Variants in BUB1B observed in about 807,000 individuals in gnomAD.
BUB1B encodes the protein BUB1 mitotic checkpoint serine/threonine kinase B.
In BUB1B, 86 loss-of-function variants were observed where a neutral mutation model predicts 137.7. The ratio of observed to expected loss-of-function variants is 0.62; its 90% CI spans 0.52 to 0.75. The LOEUF (loss-of-function observed/expected upper bound fraction) is 0.75, where lower values mean the gene tolerates loss of function less well. BUB1B is among the 30% of genes least tolerant of loss of function. BUB1B has a pLI of 0.00. For synonymous variants in BUB1B, 420 were observed against 417.9 expected, an observed-to-expected ratio of 1.00 and a Z score of -0.06; for missense variants, 1,130 against 1,236.9, an observed-to-expected ratio of 0.91 and a Z score of 1.30.
At chr15:40,170,226 T>C in intron 3 of BUB1B, 105 bp downstream of exon 3, 2 of 1,086,412 alleles carry the variant, frequency 1.8e-6, no homozygotes, top group Non-Finnish European at 2.8e-6. Flanking sequence ...GAGTAGACAG[T>C]GGTGTCCTGG....
At chr15:40,179,588 T>G (rs987137777) in intron 5 of BUB1B, among the ~76,000 whole-genome samples, 30 of 152,288 alleles carry the variant, frequency 2.0e-4, no homozygotes, top group Admixed American at 3.9e-4. Context: ...TCTTTTTTGT[T>G]ATGTTGAGAC....
rs373264516 is a variant in BUB1B at position 40,165,039 on chromosome 15, T to TG, written c.36-14_36-13insG. ...ATGTTGGTATGAGATTTACATTTGT[T>TG]TCCTTCTTCACAGTGAAGCCATGTC... On this transcript the variant is annotated splice_polypyrimidine_tract_variant and intron_variant, in intron 1 of 22. Transcript: ENST00000287598. 6.3e-5 allele frequency: 101 copies of TG among 1,614,086 alleles called. No homozygotes were observed. In the African/African-American group the frequency reaches 1.2e-3, roughly 20 times the overall value.
intron 20 of BUB1B, among the ~76,000 whole-genome samples, chr15:40,217,242 T>C (rs2140911070): frequency 6.6e-6 from 1 of 152,354 alleles, no homozygotes; most frequent in East Asian, 1.9e-4. Context: ...ATATGGAAGC[T>C]TGATAAATGT....
chr15:40,203,566 G>C (rs1445751371), intron 14 of BUB1B, among the ~76,000 whole-genome samples: 1 of 152,080 alleles, frequency 6.6e-6, no homozygotes, highest in Admixed American at 6.5e-5. Flanking sequence ...TTTATAAGTA[G>C]GGAAAAATCA....
At chr15:40,218,400 C>A in intron 21 of BUB1B, 56 bp from the exon 22 acceptor site, 2 of 1,302,224 alleles carry the variant, frequency 1.5e-6, no homozygotes, top group Non-Finnish European at 1.1e-6. Flanking sequence ...CCGAAATAAG[C>A]TGCCATGGTA....
In BUB1B at chr15:40,208,756, C is replaced by A. The variant is rs2037670153; in HGVS notation, c.2129C>A (p.Thr710Asn). 6.2e-7 allele frequency: 1 copy of A among 1,612,654 alleles called. No individual in the cohort carries two copies. The highest frequency in any genetic ancestry group is 1.1e-5 in the South Asian group (1 of 91,050). ...CAAATTCCTGAGAAACTAGAACTTA[C>A]TAATGAGACTTCAGGTAGGATATAC... is the stretch of plus-strand genomic sequence containing the variant. Reference protein sequence around the residue: ...CLQIPEKLELTNETSENPTQS... With the variant: ...CLQIPEKLELNNETSENPTQS... The change falls in exon 16 of 23, where the codon ACT (threonine) becomes AAT (asparagine). Residue 710 changes from threonine to asparagine, a missense_variant. Transcript: ENST00000287598.
At chr15:40,169,737 C>T (rs750569916) in intron 2 of BUB1B, among the ~76,000 whole-genome samples, 38 of 151,630 alleles carry the variant, frequency 2.5e-4, no homozygotes, top group Non-Finnish European at 4.4e-4. Context: ...CTCAGCCTCC[C>T]GAGTAGCTGG....
intron 18 of BUB1B, among the ~76,000 whole-genome samples, chr15:40,210,653 G>A (rs967851314): frequency 1.3e-5 from 2 of 152,052 alleles, no homozygotes; most frequent in African/African-American, 4.8e-5. Context: ...GGGACCGTAG[G>A]TGCACGCCAC....
intron 20 of BUB1B, 73 bp from the exon 21 acceptor site, chr15:40,217,423 T>C (rs542861827): frequency 6.6e-7 from 1 of 1,523,958 alleles, no homozygotes; most frequent in South Asian, 1.1e-5. Flanking sequence ...GTACCTTTTT[T>C]TTTTAAAGAC....
intron 15 of BUB1B, among the ~76,000 whole-genome samples, chr15:40,208,421 C>T (rs897859632): frequency 2.6e-5 from 4 of 151,758 alleles, no homozygotes; most frequent in Non-Finnish European, 5.9e-5. Context: ...GCCTGTAATC[C>T]CAGCTACTCA....
At position 40,208,622 on chromosome 15, in the gene BUB1B, T is replaced by A; in HGVS notation, c.2010-15T>A. ...ATTATTCCTATAAGAATTAACTTATTTTTGATTCTTTTAGCCCAATTATTG... is the reference window on the plus strand; with the variant it reads ...ATTATTCCTATAAGAATTAACTTATATTTGATTCTTTTAGCCCAATTATTG... On this transcript the variant is annotated splice_polypyrimidine_tract_variant and intron_variant, in intron 15 of 22. Transcript: ENST00000287598. 1.9e-6 allele frequency: 3 copies of A among 1,605,298 alleles called. No homozygotes were observed. Among genetic ancestry groups the A allele is most frequent in the Non-Finnish European group, 2.6e-6 (3 of 1,172,386 alleles).
Position 40,180,270 on chromosome 15 carries a change from T to TTTTTTTC in BUB1B, c.582-3443_582-3442insTTTTTCT, listed in dbSNP as rs1426083959. On this transcript the variant is annotated intron_variant, in intron 5 of 22. Transcript: ENST00000287598. ...TCGTTTCTTTTTTTTTTTTTTTTTTTTGAGATGGAGTCTTGCTCTGTCACC... is the reference window on the plus strand; with the variant it reads ...TCGTTTCTTTTTTTTTTTTTTTTTTTTTTTTTCTGAGATGGAGTCTTGCTCTGTCACC... Among the ~76,000 whole-genome samples the TTTTTTTC allele has an allele frequency of 3.7e-4, 53 of 144,188 alleles. 1 individual carries two copies. The highest frequency in any genetic ancestry group is 1.3e-3 in the African/African-American group (52 of 39,172). The allele number at this position is 144,188 out of a possible 152,430, so 94.6% of individuals were successfully genotyped here. A position where few individuals can be genotyped will look rare whatever the true frequency, so the allele number is the denominator to read the frequency against.
chr15:40,183,610 C>T, intron 5 of BUB1B, 104 bp from the exon 6 acceptor site: 9 of 995,728 alleles, frequency 9.0e-6, no homozygotes, highest in Non-Finnish European at 1.4e-5. Flanking sequence ...CTGCATTCTT[C>T]CCCCAGCCTG....
chr15:40,190,696 G>T (rs1409109380), intron 8 of BUB1B, among the ~76,000 whole-genome samples: 1 of 152,178 alleles, frequency 6.6e-6, no homozygotes, highest in Non-Finnish European at 1.5e-5. Context: ...CTACTCTTGT[G>T]CTTTGGGGCC....
chr15:40,172,048 TAA>T (rs1275549404), intron 4 of BUB1B, among the ~76,000 whole-genome samples: 7 of 151,868 alleles, frequency 4.6e-5, no homozygotes, highest in Non-Finnish European at 1.0e-4. Flanking sequence ...TTAAAACTGA[TAA>T]GATTTCTTAA....
At chr15:40,180,512 C>T (rs1238337705) in intron 5 of BUB1B, among the ~76,000 whole-genome samples, 2 of 151,936 alleles carry the variant, frequency 1.3e-5, no homozygotes, top group African/African-American at 2.4e-5. Flanking sequence ...ATGGTCTGCC[C>T]ACCTTGGCCT....
Position 40,170,649 on chromosome 15 carries a change from G to T in BUB1B, c.352G>T (p.Asp118Tyr). 1.2e-6 allele frequency: 2 copies of T among 1,613,738 alleles called. No homozygotes were observed. Among genetic ancestry groups the T allele is most frequent in the South Asian group, 1.1e-5 (1 of 91,058 alleles). ...ACAAGGAGAAAAACGATATTATAGT[G>T]ATCCTCGATTTCTCAATCTCTGGCT... is the stretch of plus-strand genomic sequence containing the variant. Reference protein sequence around the residue: ...ALQGEKRYYSDPRFLNLWLKL... With the variant: ...ALQGEKRYYSYPRFLNLWLKL... Residue 118 changes from aspartate to tyrosine, a missense_variant, in exon 4 of 23, where the codon GAT (aspartate) becomes TAT (tyrosine). Asp to Tyr is a radical substitution (Grantham distance 160, BLOSUM62 -3). Coordinates refer to ENST00000287598, the MANE Select transcript of BUB1B (RefSeq NM_001211.6).
intron 8 of BUB1B, among the ~76,000 whole-genome samples, chr15:40,188,727 C>T (rs528128030): frequency 1.8e-3 from 275 of 151,392 alleles, no homozygotes; most frequent in African/African-American, 6.3e-3. Context: ...GCATTATAGA[C>T]GCCCGCCACG....
chr15:40,205,783 C>CT (rs1448545714), intron 14 of BUB1B, among the ~76,000 whole-genome samples: 5 of 152,236 alleles, frequency 3.3e-5, no homozygotes, highest in African/African-American at 1.2e-4. Flanking sequence ...TGCATATATC[C>CT]TACCAGACAT....
Sources: gnomAD v4.1 joint callset for allele counts (sites outside exome capture counted in the v4.1 genomes callset) on GRCh38, gnomAD v4.1.1 for gene constraint, MANE v1.5 for transcripts, NCBI Gene and HGNC (gene_info 2026-07-23, HGNC 2026-07-21) for gene names.